Variants in IQCM observed in about 807,000 individuals in gnomAD.
IQCM encodes the protein IQ domain-containing protein M.
IQCM carries 45 observed loss-of-function variants against 57.6 expected under a neutral mutation model. The ratio of observed to expected loss-of-function variants is 0.78; its 90% CI spans 0.62 to 1.00. IQCM has a LOEUF of 1.00. IQCM is among the 50% of genes least tolerant of loss of function. The pLI, the probability that IQCM is intolerant of heterozygous loss-of-function variation, is 0.00. For missense variants in IQCM, 468 were observed against 511.6 expected (o/e 0.91, Z 0.82); for synonymous variants, 148 against 158.9 (o/e 0.93, Z 0.51).
At chr4:149,582,920 G>GAA (rs77311049) in intron 9 of IQCM, among the ~76,000 whole-genome samples, 1 of 147,252 alleles carries the variant, frequency 6.8e-6, no homozygotes. Context: ...TCTCTTTCAG[G>GAA]AAAAAAAAAA....
chr4:149,352,300 T>A (rs899168591), intron 13 of IQCM, among the ~76,000 whole-genome samples: 1 of 152,202 alleles, frequency 6.6e-6, no homozygotes, highest in African/African-American at 2.4e-5. Flanking sequence ...TGGGTGAAAC[T>A]GGGTTCCACT....
chr4:149,572,333 C>A (rs1751236033), intron 9 of IQCM, among the ~76,000 whole-genome samples: 1 of 151,732 alleles, frequency 6.6e-6, no homozygotes, highest in Admixed American at 6.6e-5. Flanking sequence ...ATCACCAAGG[C>A]TGGAGTGCAG....
chr4:149,690,068 C>T (rs1392609582), intron 5 of IQCM, among the ~76,000 whole-genome samples: 1 of 152,046 alleles, frequency 6.6e-6, no homozygotes, highest in African/African-American at 2.4e-5. Context: ...TGGGTATCTA[C>T]CCAAAGGAAA....
At chr4:149,786,561 C>G (rs1255395898) in intron 2 of IQCM, among the ~76,000 whole-genome samples, 1 of 152,060 alleles carries the variant, frequency 6.6e-6, no homozygotes, top group Non-Finnish European at 1.5e-5. Flanking sequence ...ATTTATACAG[C>G]CAACAAACAT....
intron 12 of IQCM, among the ~76,000 whole-genome samples, chr4:149,442,951 CACAGAGAGAG>C (rs1271455816): frequency 0.011 from 1,222 of 111,100 alleles, 7 homozygotes; most frequent in Middle Eastern, 0.015. Context: ...CACACACACA[CACAGAGAGAG>C]AGAGAGAGAG....
intron 13 of IQCM, chr4:149,430,111 T>A (rs1247183029): frequency 2.4e-6 from 2 of 848,812 alleles, no homozygotes; most frequent in Admixed American, 4.3e-5. Flanking sequence ...TTCTTTCTCA[T>A]AATTTTCCTT....
At chr4:149,578,048 A>T (rs1751830042) in intron 9 of IQCM, among the ~76,000 whole-genome samples, 3 of 151,736 alleles carry the variant, frequency 2.0e-5, no homozygotes, top group Admixed American at 2.0e-4. Context: ...TAGAAATACT[A>T]CTGACTTTGG....
At chr4:149,665,189 A>T (rs1307169069) in intron 7 of IQCM, among the ~76,000 whole-genome samples, 3 of 152,190 alleles carry the variant, frequency 2.0e-5, no homozygotes, top group Non-Finnish European at 2.9e-5. Flanking sequence ...TTCCATAGCA[A>T]CTTAAATCAT....
chr4:149,431,799 G>A (rs1734890146), intron 13 of IQCM, among the ~76,000 whole-genome samples: 1 of 151,868 alleles, frequency 6.6e-6, no homozygotes, highest in African/African-American at 2.4e-5. Flanking sequence ...TCCATGTTGT[G>A]TACATCAATA....
chr4:149,400,750 T>C (rs865926902), intron 13 of IQCM, among the ~76,000 whole-genome samples: 2 of 151,926 alleles, frequency 1.3e-5, no homozygotes, highest in African/African-American at 2.4e-5. Flanking sequence ...CAATAAATAT[T>C]AAAAAGTTTA....
chr4:149,657,078 C>A (rs553191251), intron 7 of IQCM, among the ~76,000 whole-genome samples: 2 of 152,258 alleles, frequency 1.3e-5, no homozygotes, highest in East Asian at 3.9e-4. Flanking sequence ...ACCATCATCA[C>A]CCTACTGTGC....
chr4:149,784,402 A>G (rs2150015802), intron 2 of IQCM, among the ~76,000 whole-genome samples: 1 of 152,276 alleles, frequency 6.6e-6, no homozygotes, highest in Non-Finnish European at 1.5e-5. Context: ...GTCAAAGATC[A>G]TTTTGTTGCA....
At chr4:149,680,225 AC>A (rs1762079500) in intron 7 of IQCM, among the ~76,000 whole-genome samples, 1 of 151,354 alleles carries the variant, frequency 6.6e-6, no homozygotes, top group Admixed American at 6.6e-5. Flanking sequence ...TAATTGTAAA[AC>A]TTTTTACTTT....
At chr4:149,408,906 A>G (rs1017440029) in intron 13 of IQCM, among the ~76,000 whole-genome samples, 2 of 152,146 alleles carry the variant, frequency 1.3e-5, no homozygotes, top group Non-Finnish European at 2.9e-5. Context: ...TATGTCATTC[A>G]AGAAAAACCC....
chr4:149,388,714 A>T (rs1731624778), intron 13 of IQCM, among the ~76,000 whole-genome samples: 1 of 145,018 alleles, frequency 6.9e-6, no homozygotes, highest in Admixed American at 7.0e-5. Context: ...CTGATTATAT[A>T]TGTCCTTTCT....
intron 13 of IQCM, among the ~76,000 whole-genome samples, chr4:149,359,857 A>C (rs981674664): frequency 6.6e-6 from 1 of 152,156 alleles, no homozygotes; most frequent in African/African-American, 2.4e-5. Flanking sequence ...AAACAAACAC[A>C]GATAGTTTTG....
intron 8 of IQCM, among the ~76,000 whole-genome samples, chr4:149,603,186 T>C (rs1416288242): frequency 5.3e-5 from 8 of 152,170 alleles, no homozygotes; most frequent in African/African-American, 1.9e-4. Context: ...ATTGTTATAG[T>C]AATTATGGTT....
intron 12 of IQCM, among the ~76,000 whole-genome samples, chr4:149,521,674 G>T (rs759595725): frequency 1.3e-5 from 2 of 152,200 alleles, no homozygotes; most frequent in African/African-American, 2.4e-5. Context: ...AGCATTAAAG[G>T]CTTCACTGGA....
intron 7 of IQCM, among the ~76,000 whole-genome samples, chr4:149,628,209 C>A (rs1203541149): frequency 6.6e-5 from 10 of 152,100 alleles, no homozygotes; most frequent in Non-Finnish European, 1.5e-4. Flanking sequence ...TAAAAATATT[C>A]TGCTAGACCC....
Sources: allele counts gnomAD v4.1 joint callset (sites outside exome capture counted in the v4.1 genomes callset), GRCh38; gene constraint gnomAD v4.1.1; transcripts MANE v1.5; gene names NCBI Gene and HGNC (gene_info 2026-07-23, HGNC 2026-07-21).